Variants in SNX29 observed in about 807,000 individuals in gnomAD.
SNX29 encodes the protein sorting nexin-29.
A neutral mutation model predicts 102.1 loss-of-function variants in SNX29; 78 were observed. The observed-to-expected ratio is 0.76, with a 90% confidence interval of 0.64 to 0.92. The LOEUF is 0.92. Among genes scored for constraint, SNX29 ranks in the 40% least tolerant of loss-of-function variants. SNX29 has a pLI of 0.00. For synonymous variants in SNX29, 580 were observed against 414.5 expected, an observed-to-expected ratio of 1.40 and a Z score of -4.85; for missense variants, 1,280 against 1,061.7, an observed-to-expected ratio of 1.21 and a Z score of -2.86.
chr16:12,037,640 G>A (rs559516208), intron 4 of SNX29, among the ~76,000 whole-genome samples: 1 of 152,180 alleles, frequency 6.6e-6, no homozygotes, highest in East Asian at 1.9e-4. Context: ...GTAGGAAAGC[G>A]GGGTGCTCTT....
At chr16:12,557,989 A>G (rs901453709) in intron 20 of SNX29, among the ~76,000 whole-genome samples, 1 of 152,006 alleles carries the variant, frequency 6.6e-6, no homozygotes, top group Non-Finnish European at 1.5e-5. Flanking sequence ...GATTTTAGCC[A>G]CGGTTGGTTG....
intron 20 of SNX29, among the ~76,000 whole-genome samples, chr16:12,548,375 G>A (rs1009747179): frequency 1.3e-5 from 2 of 152,210 alleles, no homozygotes; most frequent in African/African-American, 4.8e-5. Flanking sequence ...ATGGAAGGGA[G>A]TCCCACACCT....
intron 11 of SNX29, among the ~76,000 whole-genome samples, chr16:12,095,998 A>G (rs955202522): frequency 6.6e-6 from 1 of 152,264 alleles, no homozygotes; most frequent in Non-Finnish European, 1.5e-5. Context: ...GGAGTGCTGT[A>G]GTAACATCAG....
intron 20 of SNX29, among the ~76,000 whole-genome samples, chr16:12,559,136 G>T (rs1048273439): frequency 3.3e-5 from 5 of 152,098 alleles, no homozygotes; most frequent in Non-Finnish European, 7.4e-5. Flanking sequence ...TCCCTCTTCT[G>T]GTCCCCAACC....
intron 11 of SNX29, 89 bp from the exon 12 acceptor site, chr16:12,126,544 T>A: frequency 7.4e-7 from 1 of 1,353,214 alleles, no homozygotes; most frequent in Non-Finnish European, 1.0e-6. Context: ...AGACAAGTCA[T>A]CCTTAATAGC....
chr16:12,474,452 G>C (rs1238304694), intron 18 of SNX29, among the ~76,000 whole-genome samples: 1 of 152,160 alleles, frequency 6.6e-6, no homozygotes, highest in African/African-American at 2.4e-5. Flanking sequence ...GATTGCGCAT[G>C]TGTGTTCCGG....
In SNX29 at chr16:12,573,202, G is replaced by A. The variant is rs772513406; in HGVS notation, c.*4573G>A. On this transcript the variant is annotated 3_prime_UTR_variant, in exon 21 of 21. Coordinates refer to ENST00000566228, the MANE Select transcript of SNX29 (RefSeq NM_032167.5). ...AGCCATCCAGGGTCTCCCGGCTCTAGGCAGACCGGATCCCGCAGTTCATCC... is the reference window on the plus strand; with the variant it reads ...AGCCATCCAGGGTCTCCCGGCTCTAAGCAGACCGGATCCCGCAGTTCATCC... The A allele has an allele frequency of 4.4e-6, 1 of 226,562 alleles. No individual in the cohort carries two copies. The highest frequency in any genetic ancestry group is 5.7e-5 in the Admixed American group (1 of 17,490). 14.0% of individuals were successfully genotyped at this position (226,562 alleles called of 1,614,324 possible).
At chr16:12,192,425 A>G (rs1037785929) in intron 13 of SNX29, among the ~76,000 whole-genome samples, 2 of 152,302 alleles carry the variant, frequency 1.3e-5, no homozygotes, top group South Asian at 2.1e-4. Flanking sequence ...ATGGCCTCCT[A>G]TCTTCCGGCT....
chr16:12,504,529 A>G (rs546422541), intron 19 of SNX29, among the ~76,000 whole-genome samples: 1 of 152,196 alleles, frequency 6.6e-6, no homozygotes, highest in African/African-American at 2.4e-5. Context: ...CAGAAGGATC[A>G]TGTTTCCATG....
intron 15 of SNX29, among the ~76,000 whole-genome samples, chr16:12,288,215 C>G (rs1227963146): frequency 6.6e-6 from 1 of 152,130 alleles, no homozygotes; most frequent in East Asian, 1.9e-4. Context: ...TAAAACAGGA[C>G]TGGGTGGAAG....
chr16:12,101,087 T>G (rs1050585571), intron 11 of SNX29, among the ~76,000 whole-genome samples: 46 of 152,242 alleles, frequency 3.0e-4, no homozygotes, highest in African/African-American at 1.0e-3. Context: ...GTTACTTCAT[T>G]GGAGGGACAC....
chr16:12,466,729 G>C (rs1251069484), intron 18 of SNX29, among the ~76,000 whole-genome samples: 1 of 152,118 alleles, frequency 6.6e-6, no homozygotes, highest in African/African-American at 2.4e-5. Flanking sequence ...TTTCTGGCAG[G>C]GGCTGGTGTT....
Position 12,570,069 on chromosome 16 carries a change from C to T in SNX29, c.*1440C>T, listed in dbSNP as rs1162789878. ...CTCGAGGACATCTCTGGAGAATCATCTGGAAGGTTTATACTGTGCCTTCCC... is the reference window on the plus strand; with the variant it reads ...CTCGAGGACATCTCTGGAGAATCATTTGGAAGGTTTATACTGTGCCTTCCC... On this transcript the variant is annotated 3_prime_UTR_variant, in exon 21 of 21. Transcript: ENST00000566228. 4 of 667,902 alleles carry T rather than the reference C, an allele frequency of 6.0e-6. No homozygotes were observed. The highest frequency in any genetic ancestry group is 7.7e-6 in the Non-Finnish European group (4 of 516,694). 41.4% of individuals were successfully genotyped at this position (667,902 alleles called of 1,614,324 possible). A position where few individuals can be genotyped will look rare whatever the true frequency, so the allele number is the denominator to read the frequency against.
chr16:12,394,824 C>T (rs879314364), intron 16 of SNX29, among the ~76,000 whole-genome samples: 1 of 152,224 alleles, frequency 6.6e-6, no homozygotes, highest in Non-Finnish European at 1.5e-5. Flanking sequence ...ACAGTGATCT[C>T]TCTTGTCCTT....
intron 15 of SNX29, among the ~76,000 whole-genome samples, chr16:12,334,811 C>T (rs2081397651): frequency 6.6e-6 from 1 of 151,678 alleles, no homozygotes. Flanking sequence ...CCCATCCCCA[C>T]CTAGCCTGCT....
chr16:12,055,974 C>G (rs1413692138), intron 8 of SNX29, among the ~76,000 whole-genome samples: 5 of 152,088 alleles, frequency 3.3e-5, no homozygotes, highest in African/African-American at 9.7e-5. Context: ...CCTCTGCTCC[C>G]AGGTTTAAGC....
intron 20 of SNX29, among the ~76,000 whole-genome samples, chr16:12,546,071 T>C (rs1362580794): frequency 3.3e-5 from 5 of 152,144 alleles, no homozygotes; most frequent in African/African-American, 9.7e-5. Flanking sequence ...GTCCTGGGTT[T>C]GAGTCCCCAG....
At position 12,571,774 on chromosome 16, in the gene SNX29, C is replaced by A. The variant is rs958654427; in HGVS notation, c.*3145C>A. 4.0e-6 allele frequency: 4 copies of A among 1,008,394 alleles called. No individual in the cohort carries two copies. Among genetic ancestry groups the A allele is most frequent in the Non-Finnish European group, 4.8e-6 (4 of 828,634 alleles). The allele number at this position is 1,008,394 out of a possible 1,614,324, so 62.5% of individuals were successfully genotyped here. Reference sequence around the variant, plus strand: ...ATCCACTCCTGATCTGAGACAGAACCTTCTCCGCCACTCTTCCTGCAATCA... The same window carrying A: ...ATCCACTCCTGATCTGAGACAGAACATTCTCCGCCACTCTTCCTGCAATCA... On this transcript the variant is annotated 3_prime_UTR_variant, in exon 21 of 21. Coordinates refer to ENST00000566228, the MANE Select transcript of SNX29 (RefSeq NM_032167.5).
chr16:12,542,421 C>T (rs151165876), intron 20 of SNX29, among the ~76,000 whole-genome samples: 49 of 152,328 alleles, frequency 3.2e-4, no homozygotes, highest in Non-Finnish European at 4.4e-4. Context: ...CTACAGCCTT[C>T]GCCTCCCAAG....
Sources: gnomAD v4.1 joint callset for allele counts (sites outside exome capture counted in the v4.1 genomes callset) on GRCh38, gnomAD v4.1.1 for gene constraint, MANE v1.5 for transcripts, NCBI Gene and HGNC (gene_info 2026-07-23, HGNC 2026-07-21) for gene names.